Variants in PDE10A observed in about 807,000 individuals in gnomAD.
PDE10A encodes the protein cAMP and cAMP-inhibited cGMP 3',5'-cyclic phosphodiesterase 10A.
PDE10A carries 39 observed loss-of-function variants against 97.7 expected under a neutral mutation model. The ratio of observed to expected loss-of-function variants is 0.40; its 90% CI spans 0.31 to 0.52. PDE10A has a LOEUF of 0.52. Ranked by LOEUF, PDE10A falls within the 20% of genes least tolerant of loss-of-function variation. The pLI is 0.56. For missense variants in PDE10A, 731 were observed against 1,047.8 expected, an observed-to-expected ratio of 0.70 and a Z score of 4.17; for synonymous variants, 371 against 376.8, an observed-to-expected ratio of 0.98 and a Z score of 0.18.
At chr6:165,491,125 A>C (rs1479729929) in intron 2 of PDE10A, among the ~76,000 whole-genome samples, 1 of 152,226 alleles carries the variant, frequency 6.6e-6, no homozygotes, top group Non-Finnish European at 1.5e-5. Context: ...CAGACAGGAC[A>C]AACTTTAAAG....
At chr6:165,431,213 G>A (rs1483313402) in intron 8 of PDE10A, among the ~76,000 whole-genome samples, 3 of 151,212 alleles carry the variant, frequency 2.0e-5, no homozygotes, top group African/African-American at 7.3e-5. Context: ...ATATATGTAT[G>A]TGAATGGACA....
At chr6:165,950,949 C>T (rs935080282) in intron 1 of PDE10A, among the ~76,000 whole-genome samples, 1 of 152,170 alleles carries the variant, frequency 6.6e-6, no homozygotes, top group Admixed American at 6.5e-5. Context: ...TTGAAAAGAT[C>T]CTGATTTCTT....
intron 1 of PDE10A, among the ~76,000 whole-genome samples, chr6:165,811,479 C>G (rs941915645): frequency 6.6e-6 from 1 of 152,216 alleles, no homozygotes; most frequent in Admixed American, 6.5e-5. Flanking sequence ...CAGCATTATT[C>G]TAGAAGGCCC....
intron 1 of PDE10A, among the ~76,000 whole-genome samples, chr6:165,932,119 G>A (rs1783155686): frequency 6.6e-6 from 1 of 152,182 alleles, no homozygotes; most frequent in Admixed American, 6.5e-5. Flanking sequence ...ACCGCCCGCT[G>A]AAGAGGTCCT....
At chr6:165,954,828 G>C (rs568835806) in intron 1 of PDE10A, among the ~76,000 whole-genome samples, 5 of 152,192 alleles carry the variant, frequency 3.3e-5, no homozygotes, top group South Asian at 4.1e-4. Context: ...TGCAGGGGAG[G>C]CTGGACAGGC....
At chr6:165,629,543 T>TAA (rs141265131) in intron 1 of PDE10A, among the ~76,000 whole-genome samples, 13,259 of 143,368 alleles carry the variant, frequency 0.092, 1,020 homozygotes, top group African/African-American at 0.21. Flanking sequence ...TTTTTTTTTT[T>TAA]AAAACAGGGT....
intron 1 of PDE10A, among the ~76,000 whole-genome samples, chr6:165,647,964 G>A (rs1789487956): frequency 6.6e-6 from 1 of 152,226 alleles, no homozygotes; most frequent in Admixed American, 6.5e-5. Flanking sequence ...CTAGGTTACA[G>A]TGCCTCCTTG....
chr6:165,853,119 T>C (rs577450402), intron 1 of PDE10A, among the ~76,000 whole-genome samples: 13 of 152,356 alleles, frequency 8.5e-5, no homozygotes, highest in Non-Finnish European at 1.8e-4. Flanking sequence ...ACCCGGAGTC[T>C]GCGTTTATCA....
chr6:165,357,133 G>A (rs1012407431), intron 18 of PDE10A, among the ~76,000 whole-genome samples: 2 of 152,056 alleles, frequency 1.3e-5, no homozygotes, highest in Non-Finnish European at 2.9e-5. Flanking sequence ...TACATCTATT[G>A]TAATAATCAT....
intron 1 of PDE10A, among the ~76,000 whole-genome samples, chr6:165,646,886 G>GT (rs912455330): frequency 2.0e-5 from 3 of 152,122 alleles, no homozygotes; most frequent in African/African-American, 7.2e-5. Flanking sequence ...CAGATATATC[G>GT]TAACATATAA....
chr6:165,951,531 C>T (rs539000930), intron 1 of PDE10A, among the ~76,000 whole-genome samples: 1 of 152,158 alleles, frequency 6.6e-6, no homozygotes, highest in South Asian at 2.1e-4. Context: ...TGAAGCAGAG[C>T]GACATCCAGC....
chr6:165,406,033 A>T (rs1034682488), intron 13 of PDE10A, among the ~76,000 whole-genome samples: 2 of 152,288 alleles, frequency 1.3e-5, no homozygotes, highest in East Asian at 3.9e-4. Flanking sequence ...TGTCCATGTC[A>T]GTTATAAATT....
intron 1 of PDE10A, among the ~76,000 whole-genome samples, chr6:165,558,297 CT>C (rs1243652107): frequency 6.6e-6 from 1 of 152,142 alleles, no homozygotes; most frequent in Non-Finnish European, 1.5e-5. Flanking sequence ...AGTTCATGTC[CT>C]TTGTAGGGAC....
chr6:165,843,352 C>G (rs2128473564), intron 1 of PDE10A, among the ~76,000 whole-genome samples: 1 of 152,332 alleles, frequency 6.6e-6, no homozygotes, highest in African/African-American at 2.4e-5. Flanking sequence ...ACCAGCCTCC[C>G]CAAGTGCAGG....
intron 1 of PDE10A, among the ~76,000 whole-genome samples, chr6:165,890,450 C>T (rs920111208): frequency 9.9e-5 from 15 of 151,974 alleles, no homozygotes; most frequent in African/African-American, 3.6e-4. Flanking sequence ...TAGCTCATGC[C>T]TTAAATCCTC....
At chr6:165,808,033 G>A (rs529089211) in intron 1 of PDE10A, among the ~76,000 whole-genome samples, 2 of 152,246 alleles carry the variant, frequency 1.3e-5, no homozygotes, top group South Asian at 2.1e-4. Context: ...GTGAAGGCAC[G>A]GGGGTCTTGC....
At chr6:165,579,125 G>A (rs1785475904) in intron 1 of PDE10A, among the ~76,000 whole-genome samples, 1 of 152,190 alleles carries the variant, frequency 6.6e-6, no homozygotes, top group African/African-American at 2.4e-5. Context: ...TGTGGAAGAA[G>A]TGAAGGATAG....
rs539180753 is a variant in PDE10A, at chr6:165,342,630, C to T, written c.2895+761G>A. Among the ~76,000 whole-genome samples, 5 of 152,334 alleles carry T rather than the reference C, an allele frequency of 3.3e-5. No individual in the cohort carries two copies. The South Asian group carries it at 1.0e-3, about 32-fold the overall frequency. On this transcript the variant is annotated intron_variant, in intron 19 of 21. Transcript: ENST00000539869. ...ATGAGATATACGATTGAATTATCAG[C>T]TGCTTTGTCCTCCAAATTTACTTTT...
chr6:165,474,060 T>C (rs2128274976), intron 3 of PDE10A, among the ~76,000 whole-genome samples: 1 of 152,340 alleles, frequency 6.6e-6, no homozygotes, highest in South Asian at 2.1e-4. Context: ...AAAGTTTCAT[T>C]TGAAGTCACA....
Sources: allele counts gnomAD v4.1 joint callset (sites outside exome capture counted in the v4.1 genomes callset), GRCh38; gene constraint gnomAD v4.1.1; transcripts MANE v1.5; gene names NCBI Gene and HGNC (gene_info 2026-07-23, HGNC 2026-07-21).